The following CCDC93 variants were observed in gnomAD, a reference collection of about 807,000 sequenced individuals.
CCDC93 encodes the protein coiled-coil domain-containing protein 93.
In CCDC93, 61 loss-of-function variants were observed where a neutral mutation model predicts 108.2. The ratio of observed to expected loss-of-function variants is 0.56; its 90% CI spans 0.46 to 0.70. CCDC93 has a LOEUF of 0.70. Ranked by LOEUF, CCDC93 falls within the 30% of genes least tolerant of loss-of-function variation. The probability of loss-of-function intolerance (pLI) is 0.00; values close to 1 mark genes in which losing one functional copy is unlikely to be tolerated. For synonymous variants in CCDC93, 276 were observed against 260.4 expected, an observed-to-expected ratio of 1.06 and a Z score of -0.58; for missense variants, 685 against 764.2, an observed-to-expected ratio of 0.90 and a Z score of 1.22.
At chr2:117,991,310 G>C (rs866697173) in intron 6 of CCDC93, among the ~76,000 whole-genome samples, 1 of 152,120 alleles carries the variant, frequency 6.6e-6, no homozygotes, top group Admixed American at 6.5e-5. Context: ...TGGTAGGAGA[G>C]GACCCAACCA....
At chr2:117,944,714 AC>A (rs1457590837) in intron 17 of CCDC93, 1 of 470,398 alleles carries the variant, frequency 2.1e-6, no homozygotes, top group African/African-American at 2.0e-5. Context: ...ATATAAACAC[AC>A]CCCCCTACCC....
chr2:117,964,167 C>T (rs1432504204), intron 11 of CCDC93, among the ~76,000 whole-genome samples: 1 of 152,140 alleles, frequency 6.6e-6, no homozygotes, highest in Non-Finnish European at 1.5e-5. Flanking sequence ...TGGCTTATTT[C>T]AGCTAATCTT....
chr2:117,997,860 G>C (rs906526231), intron 4 of CCDC93: 3 of 152,186 alleles, frequency 2.0e-5, no homozygotes, highest in Non-Finnish European at 4.4e-5. Flanking sequence ...TTTTGAATTG[G>C]GAGACCCAGT....
intron 6 of CCDC93, among the ~76,000 whole-genome samples, chr2:117,994,680 TAAG>T (rs968942839): frequency 5.9e-5 from 9 of 152,210 alleles, no homozygotes; most frequent in Non-Finnish European, 1.0e-4. Flanking sequence ...GCCATCTGTA[TAAG>T]AAGTACATCT....
intron 6 of CCDC93, among the ~76,000 whole-genome samples, chr2:117,994,072 G>A (rs190680611): frequency 8.0e-4 from 122 of 152,222 alleles, no homozygotes; most frequent in Non-Finnish European, 1.3e-3. Flanking sequence ...CCCTACATTG[G>A]TAAGTGAAAA....
At chr2:117,985,834 G>C (rs765913783) in intron 7 of CCDC93, 135 bp downstream of exon 7, 1 of 594,532 alleles carries the variant, frequency 1.7e-6, no homozygotes, top group East Asian at 2.9e-5. Flanking sequence ...CCAGAGAAAA[G>C]TCCCTGATGT....
intron 8 of CCDC93, 35 bp from the exon 9 acceptor site, chr2:117,975,315 G>C (rs764977661): frequency 6.8e-7 from 1 of 1,469,278 alleles, no homozygotes; most frequent in Non-Finnish European, 9.5e-7. Context: ...CTGAGCACGG[G>C]AGATGGAGAC....
At chr2:117,929,042 T>A (rs182532837) in intron 23 of CCDC93, among the ~76,000 whole-genome samples, 3 of 147,088 alleles carry the variant, frequency 2.0e-5, no homozygotes, top group Non-Finnish European at 4.4e-5. Context: ...TTTTCACTCA[T>A]AGTTGGGAAT....
At chr2:118,006,255 A>G (rs1427346540) in intron 3 of CCDC93, among the ~76,000 whole-genome samples, 2 of 152,236 alleles carry the variant, frequency 1.3e-5, no homozygotes, top group Admixed American at 1.3e-4. Context: ...AAGGCCACAC[A>G]GAGACCCACT....
chr2:117,929,607 T>A (rs986637155), intron 23 of CCDC93, among the ~76,000 whole-genome samples: 2 of 152,260 alleles, frequency 1.3e-5, no homozygotes, highest in African/African-American at 4.8e-5. Context: ...AAAGGGTGTC[T>A]CCAAGCAGCA....
chr2:117,958,125 T>C (rs1221264377), intron 12 of CCDC93, among the ~76,000 whole-genome samples: 1 of 152,224 alleles, frequency 6.6e-6, no homozygotes, highest in African/African-American at 2.4e-5. Flanking sequence ...GTAAATATTT[T>C]AGGCTTTGTA....
Position 117,991,746 on chromosome 2 carries a change from ATG to A in CCDC93, c.519+3698_519+3699del, listed in dbSNP as rs1680480607. The stretch of plus-strand genomic sequence containing the variant: ...CTGGGTCTAAAAACTAGGCATCTAC[ATG>A]TCTGACCTTATTTTATTCCTTAATT... On this transcript the variant is annotated intron_variant, in intron 6 of 23. Transcript: ENST00000376300. Among the ~76,000 whole-genome samples, 9 of 152,214 alleles carry A rather than the reference ATG, an allele frequency of 5.9e-5. No individual in the cohort carries two copies. In the South Asian group the frequency reaches 1.9e-3, roughly 32 times the overall value.
At chr2:118,005,917 T>A (rs556873869) in intron 3 of CCDC93, among the ~76,000 whole-genome samples, 1 of 152,258 alleles carries the variant, frequency 6.6e-6, no homozygotes, top group South Asian at 2.1e-4. Context: ...AGATACCACC[T>A]CCACTTGGCT....
chr2:118,008,620 C>T lies in CCDC93; in HGVS notation c.81G>A (p.Leu27=), dbSNP rs1676939917. Residue 27 remains leucine, a synonymous_variant, in exon 2 of 24, where the codon TTG becomes TTA. Transcript: ENST00000376300. ...CAACCAAGAGCTCCAGAATTTCAGT[C>T]AACTTGACATTTTGTTCTTCATCTT... is the stretch of plus-strand genomic sequence containing the variant. ...TREDEEQNVK[L]TEILELLVAA... The T allele has an allele frequency of 3.1e-6, 5 of 1,613,666 alleles. No individual in the cohort carries two copies. In the East Asian group the frequency reaches 1.1e-4, roughly 36 times the overall value.
At chr2:117,958,768 C>T (rs1679299027) in intron 11 of CCDC93, among the ~76,000 whole-genome samples, 1 of 152,162 alleles carries the variant, frequency 6.6e-6, no homozygotes, top group Admixed American at 6.5e-5. Context: ...CAGGTATCAT[C>T]AAAAAGTCTT....
At chr2:117,981,535 T>A (rs1015793846) in intron 7 of CCDC93, among the ~76,000 whole-genome samples, 4 of 152,172 alleles carry the variant, frequency 2.6e-5, no homozygotes, top group Non-Finnish European at 2.9e-5. Context: ...AAAGAGCTCC[T>A]CCCATCATCC....
intron 15 of CCDC93, among the ~76,000 whole-genome samples, chr2:117,947,426 C>T (rs966637239): frequency 3.3e-5 from 5 of 152,168 alleles, no homozygotes; most frequent in African/African-American, 1.2e-4. Context: ...CACGACTAGA[C>T]TACAAGTTTC....
chr2:117,923,117 T>G (rs934751137), intron 23 of CCDC93, among the ~76,000 whole-genome samples: 1 of 152,004 alleles, frequency 6.6e-6, no homozygotes. Context: ...AAATGAAATA[T>G]GCAGGATTTT....
chr2:117,926,497 G>A (rs184480182), intron 23 of CCDC93, among the ~76,000 whole-genome samples: 4,550 of 152,188 alleles, frequency 0.03, 132 homozygotes, highest in East Asian at 0.15. Flanking sequence ...ACACCTCTAC[G>A]CAAATAAACT....
Sources: allele counts gnomAD v4.1 joint callset (sites outside exome capture counted in the v4.1 genomes callset), GRCh38; gene constraint gnomAD v4.1.1; transcripts MANE v1.5; gene names NCBI Gene and HGNC (gene_info 2026-07-23, HGNC 2026-07-21).